SIDT1: variants seen among roughly 807,000 people sequenced by gnomAD.
The protein encoded by SIDT1 is SID1 transmembrane family member 1, also known as SID1 transmembrane family, member 1.
Under a neutral mutation model 107.5 loss-of-function variants are expected in SIDT1, and 101 were observed. That is an observed-to-expected ratio of 0.94 (90% confidence interval 0.80 to 1.11). SIDT1 has a LOEUF of 1.11. SIDT1 is among the 50% of genes least tolerant of loss of function. The pLI is 0.00. For synonymous variants in SIDT1, 395 were observed against 398.2 expected, an observed-to-expected ratio of 0.99 and a Z score of 0.10; for missense variants, 1,076 against 1,058.2, an observed-to-expected ratio of 1.02 and a Z score of -0.23.
At chr3:113,602,385 A>C (rs1945021930) in intron 11 of SIDT1, 1 of 152,310 alleles carries the variant, frequency 6.6e-6, no homozygotes, top group South Asian at 2.1e-4. Flanking sequence ...CTGTTAGAAC[A>C]GGATTTTTAA....
In SIDT1 at chr3:113,612,190, G is replaced by C. The variant is rs775256597; in HGVS notation, c.1962G>C (p.Lys654Asn). The change falls in exon 19 of 25, where the codon AAG (lysine) becomes AAC (asparagine). Residue 654 changes from lysine to asparagine, a missense_variant. Transcript: ENST00000264852. Reference sequence around the variant, plus strand: ...AGATATATTATATGGGTCGTTTCAAGATAGGTGAGTCACCTGTTAATTCTA... The same window carrying C: ...AGATATATTATATGGGTCGTTTCAACATAGGTGAGTCACCTGTTAATTCTA... ...STQIYYMGRF[K>N]IDLGIFRRAA... 2.7e-5 allele frequency: 43 copies of C among 1,605,804 alleles called. No individual in the cohort carries two copies. The African/African-American group carries it at 5.5e-4, about 20-fold the overall frequency.
At chr3:113,588,813 A>T (rs1943928956) in intron 9 of SIDT1, 2 of 82,984 alleles carry the variant, frequency 2.4e-5, no homozygotes, top group Non-Finnish European at 5.0e-5. Flanking sequence ...ATGCTACATT[A>T]AAAAAAAAAA....
intron 13 of SIDT1, 47 bp from the exon 14 acceptor site, chr3:113,604,863 A>G: frequency 1.2e-6 from 2 of 1,600,454 alleles, no homozygotes; most frequent in Admixed American, 3.3e-5. Flanking sequence ...CAAAGACTCC[A>G]CTGTTCATTT....
intron 23 of SIDT1, 84 bp from the exon 24 acceptor site, chr3:113,626,018 G>A (rs528249277): frequency 4.5e-5 from 42 of 936,554 alleles, no homozygotes; most frequent in African/African-American, 2.8e-4. Context: ...ATCTAGTAGC[G>A]TTTTTGTGGC....
In SIDT1 at chr3:113,627,878, G is replaced by C; in HGVS notation, c.*170G>C. 1 of 627,492 alleles carries C rather than the reference G, an allele frequency of 1.6e-6. No homozygotes were observed. Among genetic ancestry groups the C allele is most frequent in the Admixed American group, 2.9e-5 (1 of 34,634 alleles). 38.9% of individuals were successfully genotyped at this position (627,492 alleles called of 1,614,324 possible). On this transcript the variant is annotated 3_prime_UTR_variant, in exon 25 of 25. Coordinates refer to ENST00000264852, the MANE Select transcript of SIDT1 (RefSeq NM_017699.3). The stretch of plus-strand genomic sequence containing the variant: ...GGCTGCGGGAGATTTAAACCTGCAA[G>C]AAAGGAGGCAGAAGGGGAGCCATGT...
chr3:113,538,405 C>T (rs1158756141), intron 1 of SIDT1, among the ~76,000 whole-genome samples: 1 of 152,132 alleles, frequency 6.6e-6, no homozygotes, highest in Non-Finnish European at 1.5e-5. Flanking sequence ...ATTCTGTAAG[C>T]CTGTGCTGTC....
At chr3:113,580,933 C>A (rs1452198645) in intron 5 of SIDT1, among the ~76,000 whole-genome samples, 1 of 151,998 alleles carries the variant, frequency 6.6e-6, no homozygotes, top group East Asian at 1.9e-4. Context: ...ATCAACAAAG[C>A]AAAGAAGGAA....
At chr3:113,569,201 A>G (rs111532616) in intron 3 of SIDT1, among the ~76,000 whole-genome samples, 30 of 151,186 alleles carry the variant, frequency 2.0e-4, no homozygotes, top group African/African-American at 6.5e-4. Context: ...TATTCCATTT[A>G]TATAAAATTT....
intron 9 of SIDT1, among the ~76,000 whole-genome samples, chr3:113,592,485 A>G (rs1374649833): frequency 1.3e-5 from 2 of 152,246 alleles, no homozygotes; most frequent in African/African-American, 4.8e-5. Context: ...AAACTTTTCC[A>G]AAGTGACTGC....
intron 10 of SIDT1, among the ~76,000 whole-genome samples, chr3:113,600,632 T>C (rs1378812555): frequency 6.6e-6 from 1 of 152,244 alleles, no homozygotes; most frequent in Non-Finnish European, 1.5e-5. Context: ...GCTGTAACTA[T>C]GGCCAATTCT....
In SIDT1 at chr3:113,601,582, T is replaced by A. The variant is rs762945953; in HGVS notation, c.1046-6T>A. The A allele has an allele frequency of 1.2e-6, 2 of 1,612,854 alleles. No individual in the cohort carries two copies. The highest frequency in any genetic ancestry group is 2.2e-5 in the East Asian group (1 of 44,874). On this transcript the variant is annotated splice_region_variant and splice_polypyrimidine_tract_variant and intron_variant, in intron 10 of 24. Coordinates refer to ENST00000264852, the MANE Select transcript of SIDT1 (RefSeq NM_017699.3). Reference sequence around the variant, plus strand: ...AAAGTGTTTGCCTCTTCACTTTTTTTAACAGGCTCTGGAAATATGGTGGCA... The same window carrying A: ...AAAGTGTTTGCCTCTTCACTTTTTTAAACAGGCTCTGGAAATATGGTGGCA...
chr3:113,607,129 C>G lies in SIDT1; in HGVS notation c.1478+15C>G, dbSNP rs1305973880. On this transcript the variant is annotated intron_variant, in intron 15 of 24. Coordinates refer to ENST00000264852, the MANE Select transcript of SIDT1 (RefSeq NM_017699.3). ...GGCGTCCTGAGGTAAACCCAGTCCT[C>G]TGGTTGCCCATGAGGCATTTAGAGA... 1.9e-6 allele frequency: 3 copies of G among 1,573,756 alleles called. No homozygotes were observed. The African/African-American group carries it at 4.1e-5, about 21-fold the overall frequency.
chr3:113,582,520 G>C (rs1274689014), intron 6 of SIDT1, among the ~76,000 whole-genome samples: 1 of 152,098 alleles, frequency 6.6e-6, no homozygotes, highest in Admixed American at 6.5e-5. Flanking sequence ...AATAAAAGAG[G>C]ACAGAAAAAT....
At chr3:113,585,816 TG>T (rs1190791706) in intron 9 of SIDT1, among the ~76,000 whole-genome samples, 19 of 152,278 alleles carry the variant, frequency 1.2e-4, no homozygotes, top group Middle Eastern at 3.4e-3. Flanking sequence ...AGGAGGTAAT[TG>T]TGCTGTAATT....
At chr3:113,612,271 T>C in intron 19 of SIDT1, 77 bp downstream of exon 19, 1 of 1,004,102 alleles carries the variant, frequency 1.0e-6, no homozygotes, top group East Asian at 2.4e-5. Flanking sequence ...TTACTTATGC[T>C]GAATGAAAGT....
At chr3:113,610,056 T>G (rs1945626387) in intron 17 of SIDT1, among the ~76,000 whole-genome samples, 1 of 152,234 alleles carries the variant, frequency 6.6e-6, no homozygotes, top group Admixed American at 6.5e-5. Flanking sequence ...GTTTTCAAGA[T>G]TTATCAATAT....
rs749507392 is a variant in SIDT1 at position 113,551,299 on chromosome 3, C to T, written c.223-15121C>T. Among the ~76,000 whole-genome samples, 5 of 152,112 alleles carry T rather than the reference C, an allele frequency of 3.3e-5. No individual in the cohort carries two copies. The East Asian group carries it at 9.7e-4, about 29-fold the overall frequency. On this transcript the variant is annotated intron_variant, in intron 1 of 24. Coordinates refer to ENST00000264852, the MANE Select transcript of SIDT1 (RefSeq NM_017699.3). ...ATACCCAGTAATGTGATTACTGGTT[C>T]GAATGGTATTTCTGTTTTGAGGTTC...
intron 17 of SIDT1, among the ~76,000 whole-genome samples, chr3:113,609,492 G>A (rs1302204133): frequency 6.6e-6 from 1 of 152,192 alleles, no homozygotes; most frequent in East Asian, 1.9e-4. Context: ...CCAAAGGTGG[G>A]ATTAGCTTTC....
In SIDT1 at chr3:113,603,946, A is replaced by AT; in HGVS notation, c.1264-11dup. ...GAGTACAGTTTTGCATTCTCTTTTT[A>AT]TTTGGCATTCCAGATGTTCCTTTAC... On this transcript the variant is annotated splice_polypyrimidine_tract_variant and intron_variant, in intron 12 of 24. Transcript: ENST00000264852. 1 of 1,605,224 alleles carries AT rather than the reference A, an allele frequency of 6.2e-7. No homozygotes were observed. Among genetic ancestry groups the AT allele is most frequent in the Non-Finnish European group, 8.5e-7 (1 of 1,173,324 alleles).
Sources: allele counts gnomAD v4.1 joint callset (sites outside exome capture counted in the v4.1 genomes callset), GRCh38; gene constraint gnomAD v4.1.1; transcripts MANE v1.5; gene names NCBI Gene and HGNC (gene_info 2026-07-23, HGNC 2026-07-21).